SPTB: variants seen among roughly 807,000 people sequenced by gnomAD.
The protein encoded by SPTB is spectrin beta, erythrocytic, also known as spectrin beta chain, erythrocytic.
Under a neutral mutation model 256.2 loss-of-function variants are expected in SPTB, and 45 were observed. The observed-to-expected ratio is 0.18, with a 90% CI of 0.14 to 0.23. SPTB has a LOEUF of 0.23. Ranked by LOEUF, SPTB falls within the 10% of genes least tolerant of loss-of-function variation. The pLI is 1.00. For missense variants in SPTB, 2,715 were observed against 3,040.4 expected (o/e 0.89, Z 2.52); for synonymous variants, 1,231 against 1,243.1 (o/e 0.99, Z 0.21).
intron 20 of SPTB, among the ~76,000 whole-genome samples, chr14:64,781,732 T>C (rs2082475304): frequency 1.3e-5 from 2 of 152,226 alleles, no homozygotes; most frequent in Admixed American, 1.3e-4. Context: ...CAGAGGAATA[T>C]AAAACATTCT....
intron 19 of SPTB, among the ~76,000 whole-genome samples, chr14:64,783,144 A>T (rs927342840): frequency 2.0e-5 from 3 of 152,126 alleles, no homozygotes; most frequent in Middle Eastern, 6.8e-3. Context: ...TAGATGTATC[A>T]TTTTTGGGTG....
At position 64,746,918 on chromosome 14, in the gene SPTB, G is replaced by A. The variant is rs1594726124; in HGVS notation, c.*2388C>T. The A allele has an allele frequency of 6.5e-6, 1 of 152,692 alleles. No homozygotes were observed. The highest frequency in any genetic ancestry group is 1.9e-4 in the East Asian group (1 of 5,184). 9.5% of individuals were successfully genotyped at this position (152,692 alleles called of 1,614,324 possible). ...AAAAAAAAAAAAAGACCTTGCTAGG[G>A]CACTGGGAGAGCTTAGCCCTGGTGT... On this transcript the variant is annotated 3_prime_UTR_variant, in exon 36 of 36. Coordinates refer to ENST00000644917, the MANE Select transcript of SPTB (RefSeq NM_001355436.2). The surrounding 1 kb of genome is among the most constrained non-coding windows in gnomAD (Gnocchi z 4.9).
rs564769888 is a variant in SPTB at position 64,764,769 on chromosome 14, C to T, written c.6345+1957G>A. 1.8e-3 allele frequency among the ~76,000 whole-genome samples: 272 copies of T among 152,294 alleles called. 2 individuals carry two copies. Among genetic ancestry groups the T allele is most frequent in the African/African-American group, 9.6e-4 (40 of 41,564 alleles). On this transcript the variant is annotated intron_variant, in intron 32 of 35. Coordinates refer to ENST00000644917, the MANE Select transcript of SPTB (RefSeq NM_001355436.2). The surrounding 1 kb of genome is among the most constrained non-coding windows in gnomAD (Gnocchi z 4.2). ...GGGGGCAGGGTGCAGGGCCCTAGCC[C>T]GTGTCCGCAGTCTGTGCCGGCCCCC...
chr14:64,760,959 G>A lies in SPTB; in HGVS notation c.6345+5767C>T, dbSNP rs1002777103. 1.2e-4 allele frequency among the ~76,000 whole-genome samples: 18 copies of A among 152,352 alleles called. No homozygotes were observed. Among genetic ancestry groups the A allele is most frequent in the Admixed American group, 4.6e-4 (7 of 15,306 alleles). On this transcript the variant is annotated intron_variant, in intron 32 of 35. Coordinates refer to ENST00000644917, the MANE Select transcript of SPTB (RefSeq NM_001355436.2). This position sits in a 1 kb window ranked among gnomAD's most constrained non-coding sequence, Gnocchi z 4.3. ...TCACTCCAGAGGAAAGCACCTGCCC[G>A]ATGGGGTTCACAGTCTAAATGAGAT...
chr14:64,841,486 G>C lies in SPTB; in HGVS notation c.-51-18341C>G, dbSNP rs1429433648. 6.6e-6 allele frequency among the ~76,000 whole-genome samples: 1 copy of C among 152,214 alleles called. No individual in the cohort carries two copies. Among genetic ancestry groups the C allele is most frequent in the East Asian group, 1.9e-4 (1 of 5,200 alleles). On this transcript the variant is annotated intron_variant, in intron 1 of 35. Coordinates refer to ENST00000644917, the MANE Select transcript of SPTB (RefSeq NM_001355436.2). This position sits in a 1 kb window ranked among gnomAD's most constrained non-coding sequence, Gnocchi z 4.6. The stretch of plus-strand genomic sequence containing the variant: ...AGGCAACAGGAAAGAAAGATGATCT[G>C]CACTGGAGGCCCAGGAGGCTCTTCA...
rs2083712900 is a variant in SPTB at position 64,847,570 on chromosome 14, G to C, written c.-51-24425C>G. On this transcript the variant is annotated intron_variant, in intron 1 of 35. Coordinates refer to ENST00000644917, the MANE Select transcript of SPTB (RefSeq NM_001355436.2). The surrounding 1 kb of genome is among the most constrained non-coding windows in gnomAD (Gnocchi z 5.9). ...ACGTCAACTCAGAAGAAGAAATCCA[G>C]GGCCTGGGAGCAACCACCACACTCC... 6.6e-6 allele frequency among the ~76,000 whole-genome samples: 1 copy of C among 152,144 alleles called. No individual in the cohort carries two copies. Among genetic ancestry groups the C allele is most frequent in the Non-Finnish European group, 1.5e-5 (1 of 68,024 alleles).
Position 64,796,470 on chromosome 14 carries a change from A to G in SPTB, c.1341+87T>C. On this transcript the variant is annotated intron_variant, in intron 11 of 35. Transcript: ENST00000644917. The surrounding 1 kb of genome is among the most constrained non-coding windows in gnomAD (Gnocchi z 4.1). The stretch of plus-strand genomic sequence containing the variant: ...GCAAGGCACGAGGAGAGGCTGTGAG[A>G]AGCCAGCTTGGACTCCAGCCCAGCC... 1 of 1,586,994 alleles carries G rather than the reference A, an allele frequency of 6.3e-7. No individual in the cohort carries two copies. The highest frequency in any genetic ancestry group is 2.2e-5 in the East Asian group (1 of 44,730).
Position 64,825,231 on chromosome 14 carries a change from C to T in SPTB, c.-51-2086G>A, listed in dbSNP as rs1184400059. Among the ~76,000 whole-genome samples the T allele has an allele frequency of 1.3e-5, 2 of 152,148 alleles. No homozygotes were observed. Among genetic ancestry groups the T allele is most frequent in the African/African-American group, 4.8e-5 (2 of 41,432 alleles). On this transcript the variant is annotated intron_variant, in intron 1 of 35. Transcript: ENST00000644917. The surrounding 1 kb of genome is among the most constrained non-coding windows in gnomAD (Gnocchi z 4.8). ...GACAGAGGGCATTTCCCAGCCAGGG[C>T]TTAGCAAAAGTGTTTGCCACTCAAG...
chr14:64,749,893 C>T lies in SPTB; in HGVS notation c.6776+88G>A. The T allele has an allele frequency of 6.4e-7, 1 of 1,572,270 alleles. No homozygotes were observed. Among genetic ancestry groups the T allele is most frequent in the Non-Finnish European group, 8.8e-7 (1 of 1,142,738 alleles). Reference sequence around the variant, plus strand: ...CCCCTGAGGAGCAGCTCAGGCCTGGCACTGGTCCCCTACAGAGGGCCTCTG... The same window carrying T: ...CCCCTGAGGAGCAGCTCAGGCCTGGTACTGGTCCCCTACAGAGGGCCTCTG... On this transcript the variant is annotated intron_variant, in intron 34 of 35. Coordinates refer to ENST00000644917, the MANE Select transcript of SPTB (RefSeq NM_001355436.2). The surrounding 1 kb of genome is among the most constrained non-coding windows in gnomAD (Gnocchi z 4.7).
chr14:64,773,294 G>A lies in SPTB; in HGVS notation c.5104C>T (p.Leu1702=). 2 of 1,614,192 alleles carry A rather than the reference G, an allele frequency of 1.2e-6. No individual in the cohort carries two copies. The highest frequency in any genetic ancestry group is 2.2e-5 in the South Asian group (2 of 91,086). The part of the protein sequence containing the change: ...LFQLKRETDD[L]EQWISEKELV... ...TCCTTTTCTGAAATCCACTGCTCCA[G>A]GTCGTCGGTCTCCCGCTTGAGCTGG... is the stretch of plus-strand genomic sequence containing the variant. The change falls in exon 25 of 36, where the codon CTG becomes TTG. Residue 1702 remains leucine (L), a synonymous_variant. Coordinates refer to ENST00000644917, the MANE Select transcript of SPTB (RefSeq NM_001355436.2).
intron 1 of SPTB, among the ~76,000 whole-genome samples, chr14:64,875,564 A>G (rs72625644): frequency 4.6e-5 from 7 of 152,202 alleles, no homozygotes; most frequent in African/African-American, 1.7e-4. Context: ...AGAAGGAAGC[A>G]TCTCTGTGAT....
chr14:64,764,187 T>C lies in SPTB; in HGVS notation c.6345+2539A>G, dbSNP rs1235974147. ...TTCCTGGGAGAGGCCTGCGGTTCTG[T>C]GAAGGGGTAGTTCCAGGCAGGCTGG... On this transcript the variant is annotated intron_variant, in intron 32 of 35. Coordinates refer to ENST00000644917, the MANE Select transcript of SPTB (RefSeq NM_001355436.2). This position sits in a 1 kb window ranked among gnomAD's most constrained non-coding sequence, Gnocchi z 4.2. Among the ~76,000 whole-genome samples the C allele has an allele frequency of 6.6e-6, 1 of 152,062 alleles. No homozygotes were observed. Among genetic ancestry groups the C allele is most frequent in the Non-Finnish European group, 1.5e-5 (1 of 68,020 alleles).
At chr14:64,768,925 G>T in intron 29 of SPTB, 109 bp downstream of exon 29, 1 of 914,664 alleles carries the variant, frequency 1.1e-6, no homozygotes, top group Admixed American at 1.7e-5. Flanking sequence ...GCTGTGGGGG[G>T]CTCCTCTCTA....
At position 64,765,839 on chromosome 14, in the gene SPTB, G is replaced by GGT. The variant is rs1311308693; in HGVS notation, c.6345+885_6345+886dup. 2.7e-4 allele frequency among the ~76,000 whole-genome samples: 39 copies of GGT among 145,154 alleles called. 1 individual carries two copies. Among genetic ancestry groups the GGT allele is most frequent in the African/African-American group, 9.8e-4 (37 of 37,626 alleles). On this transcript the variant is annotated intron_variant, in intron 32 of 35. Coordinates refer to ENST00000644917, the MANE Select transcript of SPTB (RefSeq NM_001355436.2). ...GTGTGTGAGTGTGTGTGTGTGTGGGGGTGTGGTGTGTGCACATGTATGTGT... is the reference window on the plus strand; with the variant it reads ...GTGTGTGAGTGTGTGTGTGTGTGGGGGTGTGTGGTGTGTGCACATGTATGTGT...
At position 64,764,358 on chromosome 14, in the gene SPTB, CA is replaced by C. The variant is rs1356103166; in HGVS notation, c.6345+2367del. Among the ~76,000 whole-genome samples the C allele has an allele frequency of 6.6e-6, 1 of 152,216 alleles. No individual in the cohort carries two copies. Among genetic ancestry groups the C allele is most frequent in the African/African-American group, 2.4e-5 (1 of 41,454 alleles). ...TTCGTGGATCCCCATGAGAACTTAA[CA>C]AAAGGCTCAGAAGGGAGCAGCAGCA... On this transcript the variant is annotated intron_variant, in intron 32 of 35. Transcript: ENST00000644917. The surrounding 1 kb of genome is among the most constrained non-coding windows in gnomAD (Gnocchi z 4.2).
rs1443499733 is a variant in SPTB, at chr14:64,750,077, C to T, written c.6680G>A (p.Gly2227Glu). Residue 2227 changes from glycine to glutamate, a missense_variant, in exon 34 of 36, where the codon GGG becomes GAG. Around this residue, in one of 4 missense-constraint regions of SPTB, gnomAD observed 2,239 missense variants for 2,384.4 expected, o/e 0.94. Coordinates refer to ENST00000644917, the MANE Select transcript of SPTB (RefSeq NM_001355436.2). ...FYKDAKNLAL[G>E]MPYHGEEPLA... is the part of the protein sequence containing the mutation. ...GGGTTCCTCCCCATGGTAGGGCATC[C>T]CCAGGGCCAGGTTCTTGGCATCCTT... is the stretch of plus-strand genomic sequence containing the variant. The T allele has an allele frequency of 1.2e-6, 2 of 1,614,186 alleles. No individual in the cohort carries two copies. Among genetic ancestry groups the T allele is most frequent in the South Asian group, 1.1e-5 (1 of 91,086 alleles).
At position 64,786,027 on chromosome 14, in the gene SPTB, C is replaced by T; in HGVS notation, c.3562-76G>A. On this transcript the variant is annotated intron_variant, in intron 16 of 35. Coordinates refer to ENST00000644917, the MANE Select transcript of SPTB (RefSeq NM_001355436.2). The surrounding 1 kb of genome is among the most constrained non-coding windows in gnomAD (Gnocchi z 5.6). ...TGAGCACACCTCCCAAGTGGGAGCACCACGTGCAGCCACACAGGCCACGGT... is the reference window on the plus strand; with the variant it reads ...TGAGCACACCTCCCAAGTGGGAGCATCACGTGCAGCCACACAGGCCACGGT... 1.4e-6 allele frequency: 2 copies of T among 1,437,376 alleles called. No homozygotes were observed. The highest frequency in any genetic ancestry group is 1.9e-6 in the Non-Finnish European group (2 of 1,029,008). 89.0% of individuals were successfully genotyped at this position (1,437,376 alleles called of 1,614,324 possible). A position where few individuals can be genotyped will look rare whatever the true frequency, so the allele number is the denominator to read the frequency against.
intron 32 of SPTB, 113 bp downstream of exon 32, chr14:64,766,613 G>A: frequency 6.2e-7 from 1 of 1,608,956 alleles, no homozygotes; most frequent in Non-Finnish European, 8.5e-7. Context: ...GGAGGATGGA[G>A]GGCGGGGCTG....
At chr14:64,860,527 G>A (rs750107210) in intron 1 of SPTB, among the ~76,000 whole-genome samples, 17 of 151,876 alleles carry the variant, frequency 1.1e-4, no homozygotes, top group Non-Finnish European at 2.4e-4. Flanking sequence ...TTATAACTAT[G>A]CTTCAAAACT....
Sources: allele counts gnomAD v4.1 joint callset (sites outside exome capture counted in the v4.1 genomes callset), GRCh38; gene constraint gnomAD v4.1.1; regional missense constraint gnomAD v4.1.1; non-coding constraint Gnocchi (gnomAD v3.1); transcripts MANE v1.5; gene names NCBI Gene and HGNC (gene_info 2026-07-23, HGNC 2026-07-21).